Variants in PGLYRP4 observed in about 807,000 individuals in gnomAD.
PGLYRP4 encodes the protein peptidoglycan recognition protein 4, also known as PGRP-I-beta.
Under a neutral mutation model 41.2 loss-of-function variants are expected in PGLYRP4, and 39 were observed. That is an observed-to-expected ratio of 0.95 (90% CI 0.73 to 1.24). The LOEUF (loss-of-function observed/expected upper bound fraction) is 1.24. Ranked by LOEUF, PGLYRP4 falls within the 50% of genes most tolerant of loss-of-function variation. PGLYRP4 has a pLI of 0.00. For synonymous variants in PGLYRP4, 202 were observed against 186.8 expected, an observed-to-expected ratio of 1.08 and a Z score of -0.66; for missense variants, 467 against 460.7, an observed-to-expected ratio of 1.01 and a Z score of -0.13.
At chr1:153,331,580 A>T (rs1396854782) in intron 8 of PGLYRP4, 1 of 152,332 alleles carries the variant, frequency 6.6e-6, no homozygotes, top group African/African-American at 2.4e-5. Flanking sequence ...GGTTTGGTGA[A>T]AGGCCCTTGA....
At chr1:153,344,015 A>C (rs1660905470) in intron 4 of PGLYRP4, among the ~76,000 whole-genome samples, 1 of 152,096 alleles carries the variant, frequency 6.6e-6, no homozygotes. Context: ...GGCGGTGGGG[A>C]TATGCCTGCA....
In PGLYRP4 at chr1:153,342,162, G is replaced by A. The variant is rs535932080; in HGVS notation, c.473-383C>T. ...TAATCAGCAGCACAAACCTCTGAGA[G>A]ATGCTATTATTAACTGCATTATTTG... On this transcript the variant is annotated intron_variant, in intron 5 of 8. Coordinates refer to ENST00000359650, the MANE Select transcript of PGLYRP4 (RefSeq NM_020393.4). 3.8e-4 allele frequency among the ~76,000 whole-genome samples: 58 copies of A among 152,356 alleles called. 1 individual carries two copies. Among genetic ancestry groups the A allele is most frequent in the African/African-American group, 1.4e-3 (58 of 41,580 alleles).
chr1:153,334,605 T>C (rs1335223177), intron 8 of PGLYRP4, among the ~76,000 whole-genome samples: 1 of 151,576 alleles, frequency 6.6e-6, no homozygotes. Context: ...GAAGGATCAG[T>C]GTCATTAAAG....
chr1:153,343,176 T>G lies in PGLYRP4; in HGVS notation c.386A>C (p.Glu129Ala). 6 of 1,613,702 alleles carry G rather than the reference T, an allele frequency of 3.7e-6. No individual in the cohort carries two copies. Among genetic ancestry groups the G allele is most frequent in the Non-Finnish European group, 5.1e-6 (6 of 1,179,642 alleles). Residue 129 changes from glutamate (E) to alanine (A), a missense_variant, in exon 5 of 9, where the codon GAA (glutamate) becomes GCA (alanine). Coordinates refer to ENST00000359650, the MANE Select transcript of PGLYRP4 (RefSeq NM_020393.4). ...TCCTTGGATATTCCAGCCAACACCT[T>G]CATACACCCTGCCATCATCCCCAAC... ...FLVGDDGRVYEGVGWNIQGVH... is the reference protein window; with the variant it reads ...FLVGDDGRVYAGVGWNIQGVH...
At chr1:153,338,953 C>T (rs1033599606) in intron 7 of PGLYRP4, among the ~76,000 whole-genome samples, 7 of 152,226 alleles carry the variant, frequency 4.6e-5, no homozygotes, top group South Asian at 2.1e-4. Flanking sequence ...GAGGCACATC[C>T]GATGGCATCC....
chr1:153,342,939 G>A, intron 5 of PGLYRP4, 151 bp downstream of exon 5: 2 of 543,526 alleles, frequency 3.7e-6, no homozygotes, highest in East Asian at 3.0e-5. Context: ...TGGAAATCAA[G>A]GAAGAAGAAA....
At position 153,341,784 on chromosome 1, in the gene PGLYRP4, A is replaced by C; in HGVS notation, c.473-5T>G. ...CAGCAGGGCTGGGACTGTGGCCTAG[A>C]AGAGAGAAATCTGTGGGAAACCTCC... On this transcript the variant is annotated splice_polypyrimidine_tract_variant and splice_region_variant and intron_variant, in intron 5 of 8. Transcript: ENST00000359650. 6.2e-7 allele frequency: 1 copy of C among 1,606,216 alleles called. No homozygotes were observed. The highest frequency in any genetic ancestry group is 8.5e-7 in the Non-Finnish European group (1 of 1,177,368).
chr1:153,340,833 A>G (rs1437020428), intron 6 of PGLYRP4, among the ~76,000 whole-genome samples: 1 of 152,206 alleles, frequency 6.6e-6, no homozygotes, highest in African/African-American at 2.4e-5. Context: ...TGTCAATGTA[A>G]GCGATCATTT....
chr1:153,334,677 A>G (rs1003389994), intron 8 of PGLYRP4, among the ~76,000 whole-genome samples: 1 of 151,802 alleles, frequency 6.6e-6, no homozygotes, highest in Admixed American at 6.6e-5. Context: ...TACAAACATC[A>G]TTTTTCACAG....
chr1:153,346,368 G>A (rs1661009131), intron 2 of PGLYRP4, among the ~76,000 whole-genome samples, 177 bp from the exon 3 acceptor site: 1 of 152,172 alleles, frequency 6.6e-6, no homozygotes, highest in African/African-American at 2.4e-5. Flanking sequence ...AATAGCAGCA[G>A]GTGGCATAAC....
At chr1:153,333,026 C>A (rs537543790) in intron 8 of PGLYRP4, among the ~76,000 whole-genome samples, 1 of 151,796 alleles carries the variant, frequency 6.6e-6, no homozygotes, top group African/African-American at 2.4e-5. Flanking sequence ...TAATAAAGAT[C>A]ACAGCAGAAC....
At chr1:153,345,534 C>G (rs557017151) in intron 3 of PGLYRP4, 152 bp from the exon 4 acceptor site, 6 of 644,928 alleles carry the variant, frequency 9.3e-6, no homozygotes, top group East Asian at 5.4e-5. Flanking sequence ...ATACCCATCT[C>G]TCCAACACTC....
intron 4 of PGLYRP4, among the ~76,000 whole-genome samples, chr1:153,343,639 A>G (rs530987316): frequency 6.6e-6 from 1 of 152,176 alleles, no homozygotes; most frequent in Non-Finnish European, 1.5e-5. Flanking sequence ...TGTCCTACAT[A>G]GACTTCCCAA....
chr1:153,343,536 T>G (rs534227061), intron 4 of PGLYRP4, among the ~76,000 whole-genome samples: 1 of 152,220 alleles, frequency 6.6e-6, no homozygotes, highest in South Asian at 2.1e-4. Context: ...CTTCCACGCT[T>G]CCTTAAACCG....
chr1:153,344,988 G>A, intron 4 of PGLYRP4, 181 bp downstream of exon 4: 1 of 590,034 alleles, frequency 1.7e-6, no homozygotes, highest in Non-Finnish European at 3.0e-6. Flanking sequence ...CTCAGAGACA[G>A]GCACCTCACA....
At chr1:153,341,832 T>C in intron 5 of PGLYRP4, 53 bp from the exon 6 acceptor site, 1 of 1,562,890 alleles carries the variant, frequency 6.4e-7, no homozygotes, top group Non-Finnish European at 8.7e-7. Flanking sequence ...TTTCAGGGGA[T>C]CTTTTGGGGA....
At chr1:153,332,991 A>G (rs570392098) in intron 8 of PGLYRP4, among the ~76,000 whole-genome samples, 14 of 152,116 alleles carry the variant, frequency 9.2e-5, no homozygotes, top group Admixed American at 2.0e-4. Flanking sequence ...CTAGAACAAA[A>G]AAAACCCAAA....
chr1:153,340,634 C>G (rs1466918471), intron 6 of PGLYRP4, 55 bp from the exon 7 acceptor site: 1 of 1,556,056 alleles, frequency 6.4e-7, no homozygotes, highest in Non-Finnish European at 8.8e-7. Context: ...ATGCCAGCCA[C>G]TTCTCCACCG....
intron 6 of PGLYRP4, among the ~76,000 whole-genome samples, chr1:153,341,167 G>A (rs573635895): frequency 4.8e-4 from 73 of 152,288 alleles, no homozygotes; most frequent in African/African-American, 1.6e-3. Flanking sequence ...ATAAATATGT[G>A]TATAAATGTG....
Sources: allele counts gnomAD v4.1 joint callset (sites outside exome capture counted in the v4.1 genomes callset), GRCh38; gene constraint gnomAD v4.1.1; transcripts MANE v1.5; gene names NCBI Gene and HGNC (gene_info 2026-07-23, HGNC 2026-07-21).